The following STON1 variants were observed in gnomAD, a reference collection of about 807,000 sequenced individuals.
The protein encoded by STON1 is stonin 1.
STON1 carries 79 observed loss-of-function variants against 60.9 expected under a neutral mutation model. That is an observed-to-expected ratio of 1.30 (90% CI 1.08 to 1.56). The LOEUF is 1.56. STON1 is among the 40% of genes most tolerant of loss of function. STON1 has a pLI of 0.00. For synonymous variants in STON1, 363 were observed against 306.9 expected (o/e 1.18, Z -1.91); for missense variants, 1,166 against 858.9 (o/e 1.36, Z -4.47).
intron 1 of STON1, among the ~76,000 whole-genome samples, chr2:48,543,850 A>G (rs1671756159): frequency 6.6e-6 from 1 of 152,204 alleles, no homozygotes; most frequent in African/African-American, 2.4e-5. Context: ...ATTTTAAATG[A>G]AAAGACCCCA....
chr2:48,540,002 A>C (rs1006460619), intron 1 of STON1, among the ~76,000 whole-genome samples: 3 of 151,926 alleles, frequency 2.0e-5, no homozygotes, highest in African/African-American at 7.3e-5. Flanking sequence ...GGACCCCCTC[A>C]CTGCATGTAT....
chr2:48,571,869 A>G (rs866880705), intron 1 of STON1, among the ~76,000 whole-genome samples: 6 of 152,220 alleles, frequency 3.9e-5, no homozygotes, highest in Admixed American at 3.9e-4. Context: ...AAGCAAGTGT[A>G]AAAAGGATTG....
chr2:48,571,728 G>C (rs913747409), intron 1 of STON1, among the ~76,000 whole-genome samples: 1 of 152,208 alleles, frequency 6.6e-6, no homozygotes, highest in African/African-American at 2.4e-5. Context: ...GGGAAGGAAA[G>C]GGAAAGAAGG....
At chr2:48,594,803 G>T (rs1674709273) in intron 3 of STON1, among the ~76,000 whole-genome samples, 1 of 152,078 alleles carries the variant, frequency 6.6e-6, no homozygotes, top group South Asian at 2.1e-4. Context: ...TAGTTTGTAA[G>T]ATGGCTTGTT....
chr2:48,556,889 T>G (rs1572943794), intron 1 of STON1, among the ~76,000 whole-genome samples: 1 of 11,954 alleles, frequency 8.4e-5, no homozygotes, highest in African/African-American at 4.6e-4. Context: ...CTGGCCGGGC[T>G]GAGGGGCTCC....
At chr2:48,539,994 A>G (rs758787743) in intron 1 of STON1, among the ~76,000 whole-genome samples, 7 of 151,596 alleles carry the variant, frequency 4.6e-5, no homozygotes, top group Non-Finnish European at 1.0e-4. Flanking sequence ...CATCTCCTGG[A>G]CCCCCTCACT....
At position 48,591,739 on chromosome 2, in the gene STON1, G is replaced by C. The variant is rs199992837; in HGVS notation, c.2017G>C (p.Val673Leu). 108 of 1,613,968 alleles carry C rather than the reference G, an allele frequency of 6.7e-5. No individual in the cohort carries two copies. Among genetic ancestry groups the C allele is most frequent in the Non-Finnish European group, 8.9e-5 (105 of 1,180,036 alleles). ...CTCTGATTGGTATCCATTTGCTACT[G>C]TTCAGTTTTCCGTGCCTGACACCTG... is the stretch of plus-strand genomic sequence containing the variant. Reference protein sequence around the residue: ...IPSDWYPFATVQFSVPDTCAS... With the variant: ...IPSDWYPFATLQFSVPDTCAS... Residue 673 changes from valine to leucine, a missense_variant, in exon 3 of 4, where the codon GTT becomes CTT. By Grantham distance (32) the Val-to-Leu change is conservative. Transcript: ENST00000404752.
intron 1 of STON1, among the ~76,000 whole-genome samples, chr2:48,561,025 C>G (rs1672589010): frequency 6.6e-6 from 1 of 152,186 alleles, no homozygotes; most frequent in African/African-American, 2.4e-5. Flanking sequence ...TTACTTTCTC[C>G]TTTTCATTTC....
chr2:48,571,284 A>T (rs1237950461), intron 1 of STON1, among the ~76,000 whole-genome samples: 1 of 152,142 alleles, frequency 6.6e-6, no homozygotes, highest in Non-Finnish European at 1.5e-5. Flanking sequence ...AAAGCCAGGG[A>T]ATCAAAATAG....
chr2:48,553,463 TTTTTTCCTG>T (rs1435301914), intron 1 of STON1, among the ~76,000 whole-genome samples: 57 of 151,944 alleles, frequency 3.8e-4, no homozygotes, highest in African/African-American at 1.3e-3. Context: ...TTTGTTTTGT[TTTTTTCCTG>T]TCCTGTCCTG....
intron 1 of STON1, among the ~76,000 whole-genome samples, chr2:48,552,126 A>C (rs1672130272): frequency 6.6e-6 from 1 of 152,280 alleles, no homozygotes; most frequent in South Asian, 2.1e-4. Context: ...ATGGATAAAC[A>C]AAATGGGGCA....
At chr2:48,577,477 A>C (rs1673582765) in intron 1 of STON1, among the ~76,000 whole-genome samples, 1 of 151,256 alleles carries the variant, frequency 6.6e-6, no homozygotes, top group Admixed American at 6.6e-5. Context: ...GCTACTCAGG[A>C]GGCTGAGGCA....
intron 1 of STON1, among the ~76,000 whole-genome samples, chr2:48,578,056 C>T (rs1393609461): frequency 6.6e-6 from 1 of 152,198 alleles, no homozygotes; most frequent in Non-Finnish European, 1.5e-5. Flanking sequence ...CCTTGGCTTA[C>T]TGCAACCTCT....
intron 1 of STON1, among the ~76,000 whole-genome samples, chr2:48,540,391 G>A (rs531709793): frequency 1.0e-3 from 154 of 152,180 alleles, no homozygotes; most frequent in African/African-American, 3.6e-3. Flanking sequence ...CTAATGTTCC[G>A]CCTGTGAGAG....
chr2:48,596,847 G>A lies in STON1; in HGVS notation c.*1545G>A, dbSNP rs1180497134. 2 of 152,080 alleles carry A rather than the reference G, an allele frequency of 1.3e-5. No homozygotes were observed. The highest frequency in any genetic ancestry group is 3.9e-4 in the East Asian group (2 of 5,164). The allele number at this position is 152,080 out of a possible 1,614,324, so 9.4% of individuals were successfully genotyped here. ...TTGGTTGAAAGGAATTGTTATTGCT[G>A]TTTTTATTTTTTACTTTTTTTGAGA... is the stretch of plus-strand genomic sequence containing the variant. On this transcript the variant is annotated 3_prime_UTR_variant, in exon 4 of 4. Transcript: ENST00000404752.
intron 1 of STON1, among the ~76,000 whole-genome samples, chr2:48,564,461 CTTCTTCTTCTTCTTCT>C (rs1558604365): frequency 3.7e-5 from 2 of 54,466 alleles, no homozygotes; most frequent in African/African-American, 1.4e-4. Context: ...TCTTCTTCTT[CTTCTTCTTCTTCTTCT>C]TCTTTCTTCT....
chr2:48,591,756 T>C lies in STON1; in HGVS notation c.2034T>C (p.Pro678=), dbSNP rs1017518775. 5 of 1,614,116 alleles carry C rather than the reference T, an allele frequency of 3.1e-6. No individual in the cohort carries two copies. Among genetic ancestry groups the C allele is most frequent in the Non-Finnish European group, 4.2e-6 (5 of 1,180,042 alleles). ...YPFATVQFSV[P]DTCASRTEVR... ...TTGCTACTGTTCAGTTTTCCGTGCC[T>C]GACACCTGTGCCTCAAGGACAGAGG... The change falls in exon 3 of 4, where the codon CCT becomes CCC. Residue 678 remains proline (P), a synonymous_variant. Transcript: ENST00000404752.
At chr2:48,533,965 C>T (rs930755707) in intron 1 of STON1, among the ~76,000 whole-genome samples, 2 of 151,912 alleles carry the variant, frequency 1.3e-5, no homozygotes, top group Non-Finnish European at 2.9e-5. Context: ...GATGGGGTTT[C>T]TCCATGTTGG....
At chr2:48,539,686 G>A (rs747985697) in intron 1 of STON1, among the ~76,000 whole-genome samples, 12 of 151,926 alleles carry the variant, frequency 7.9e-5, no homozygotes, top group Non-Finnish European at 1.3e-4. Flanking sequence ...ATTTTTAGTA[G>A]AAACTAAAGT....
Sources: gnomAD v4.1 joint callset for allele counts (sites outside exome capture counted in the v4.1 genomes callset) on GRCh38, gnomAD v4.1.1 for gene constraint, MANE v1.5 for transcripts, NCBI Gene and HGNC (gene_info 2026-07-23, HGNC 2026-07-21) for gene names.